OBP2B: variants seen among roughly 807,000 people sequenced by gnomAD.
OBP2B encodes the protein odorant-binding protein 2b.
In OBP2B, 10 loss-of-function variants were observed where a neutral mutation model predicts 21.7. That is an observed-to-expected ratio of 0.46 (90% CI 0.28 to 0.78). The LOEUF (loss-of-function observed/expected upper bound fraction) is 0.78, where lower values mean the gene tolerates loss of function less well. OBP2B is among the 30% of genes least tolerant of loss of function. The pLI, the probability that OBP2B is intolerant of heterozygous loss-of-function variation, is 0.11. For missense variants in OBP2B, 153 were observed against 217.7 expected (o/e 0.70, Z 1.87); for synonymous variants, 73 against 91.5 (o/e 0.80, Z 1.16).
chr9:133,217,988 T>C, the OBP2B span, among the ~76,000 whole-genome samples: 1 of 152,254 alleles, frequency 6.6e-6, no homozygotes, highest in African/African-American at 2.4e-5. Context: ...GATGGGTCAC[T>C]GGTTCATACG....
intron 4 of OBP2B, 99 bp downstream of exon 4, chr9:133,207,127 T>C: frequency 4.7e-6 from 4 of 853,304 alleles, no homozygotes; most frequent in Non-Finnish European, 7.8e-6. Flanking sequence ...ACAGGGGGCT[T>C]CCTTTTCCCC....
intron 5 of OBP2B, 25 bp downstream of exon 5, chr9:133,206,288 CAG>C: frequency 6.2e-7 from 1 of 1,603,390 alleles, no homozygotes; most frequent in Non-Finnish European, 8.5e-7. Flanking sequence ...CAGAGGGACA[CAG>C]GGGACTGGGC....
the OBP2B span, among the ~76,000 whole-genome samples, chr9:133,222,951 C>A: frequency 1.5e-3 from 235 of 152,192 alleles, no homozygotes; most frequent in African/African-American, 5.4e-3. Flanking sequence ...CCCTTCAGAA[C>A]ACCCCTTCTC....
intron 6 of OBP2B, chr9:133,205,695 GACCC>G (rs1272131384): frequency 2.0e-6 from 1 of 500,242 alleles, no homozygotes; most frequent in African/African-American, 2.8e-5. Context: ...GGCCGAGGAG[GACCC>G]TCACTCGGGC....
chr9:133,207,384 GCC>G, intron 3 of OBP2B, 48 bp from the exon 4 acceptor site: 2 of 1,266,360 alleles, frequency 1.6e-6, no homozygotes, highest in Non-Finnish European at 2.3e-6. Flanking sequence ...AACACTCGGG[GCC>G]ACATGAAGAA....
At chr9:133,205,762 G>C in intron 6 of OBP2B, 155 bp downstream of exon 6, 1 of 1,081,760 alleles carries the variant, frequency 9.2e-7, no homozygotes, top group Non-Finnish European at 1.4e-6. Context: ...CCCAGGAACT[G>C]TGGGTGGGCA....
At chr9:133,210,073 C>G (rs1403375603), upstream of OBP2B, among the ~76,000 whole-genome samples, 2 of 152,176 alleles carry the variant, frequency 1.3e-5, no homozygotes, top group Non-Finnish European at 2.9e-5. Flanking sequence ...TTTAGATAAA[C>G]AAGTCGCATG....
At chr9:133,212,856 G>A (rs369162212), upstream of OBP2B, among the ~76,000 whole-genome samples, 59 of 152,158 alleles carry the variant, frequency 3.9e-4, 1 homozygote, top group South Asian at 5.8e-3. Flanking sequence ...ACTTGAACCC[G>A]GGAGGCGGAG....
chr9:133,222,553 C>T, the OBP2B span, among the ~76,000 whole-genome samples: 1 of 152,102 alleles, frequency 6.6e-6, no homozygotes, highest in Non-Finnish European at 1.5e-5. Context: ...CATGGTGAAA[C>T]CCTGTCTTTA....
the OBP2B span, among the ~76,000 whole-genome samples, chr9:133,216,820 A>G: frequency 6.6e-6 from 1 of 152,170 alleles, no homozygotes; most frequent in Non-Finnish European, 1.5e-5. Context: ...AGATTTCAGG[A>G]GTGGAGAACA....
the OBP2B span, among the ~76,000 whole-genome samples, chr9:133,222,695 C>T: frequency 2.6e-5 from 4 of 152,078 alleles, no homozygotes; most frequent in African/African-American, 4.8e-5. Context: ...CGTGCCACTG[C>T]GCTCCAGCCT....
chr9:133,208,369 C>G (rs1281129963), intron 2 of OBP2B, 100 bp downstream of exon 2: 16 of 1,600,268 alleles, frequency 1.0e-5, no homozygotes, highest in Non-Finnish European at 1.0e-5. Context: ...GGGGGTGACT[C>G]TTCCCAACAC....
At chr9:133,220,640 C>T in the OBP2B span, among the ~76,000 whole-genome samples, 4 of 146,352 alleles carry the variant, frequency 2.7e-5, no homozygotes, top group East Asian at 8.0e-4. Context: ...TCATCCCTGG[C>T]CCTGTGTCCC....
At chr9:133,215,616 T>G in the OBP2B span, among the ~76,000 whole-genome samples, 119 of 152,114 alleles carry the variant, frequency 7.8e-4, 1 homozygote, top group Non-Finnish European at 2.5e-4. Flanking sequence ...CCTCCCAGAT[T>G]CAAGTGATTC....
chr9:133,206,596 C>T (rs1355093913), intron 4 of OBP2B, 180 bp from the exon 5 acceptor site: 2 of 736,136 alleles, frequency 2.7e-6, no homozygotes, highest in Non-Finnish European at 4.4e-6. Context: ...AGCACCAGGA[C>T]AAGGGGAGAG....
upstream of OBP2B, among the ~76,000 whole-genome samples, chr9:133,212,997 G>C (rs1833933840): frequency 6.6e-6 from 1 of 151,838 alleles, no homozygotes; most frequent in Non-Finnish European, 1.5e-5. Flanking sequence ...GCCCCACGTG[G>C]GCAGATCACT....
At chr9:133,209,854 T>C (rs1414946993), upstream of OBP2B, among the ~76,000 whole-genome samples, 3 of 152,072 alleles carry the variant, frequency 2.0e-5, no homozygotes, top group Non-Finnish European at 2.9e-5. This position sits in a 1 kb window ranked among gnomAD's most constrained non-coding sequence, Gnocchi z 6.0. Context: ...CCTCGGGCCA[T>C]ATGAGGGACC....
At chr9:133,214,414 A>G in the OBP2B span, among the ~76,000 whole-genome samples, 1 of 152,260 alleles carries the variant, frequency 6.6e-6, no homozygotes, top group African/African-American at 2.4e-5. Flanking sequence ...AGACCATTCA[A>G]ACTTTCTGGA....
chr9:133,217,793 G>C, the OBP2B span, among the ~76,000 whole-genome samples: 1 of 152,346 alleles, frequency 6.6e-6, no homozygotes, highest in South Asian at 2.1e-4. Flanking sequence ...CTTCCCTTGG[G>C]AGAACCACAC....
Sources: gnomAD v4.1 joint callset for allele counts (sites outside exome capture counted in the v4.1 genomes callset) on GRCh38, gnomAD v4.1.1 for gene constraint, Gnocchi (gnomAD v3.1) non-coding constraint, MANE v1.5 for transcripts, NCBI Gene and HGNC (gene_info 2026-07-23, HGNC 2026-07-21) for gene names.